Variants in CHN1 observed in about 807,000 individuals in gnomAD.
CHN1 encodes chimerin 1.
Under a neutral mutation model 59.5 loss-of-function variants are expected in CHN1, and 37 were observed. The observed-to-expected ratio is 0.62, with a 90% CI of 0.48 to 0.82. The LOEUF (loss-of-function observed/expected upper bound fraction) is 0.82. Ranked by LOEUF, CHN1 falls within the 40% of genes least tolerant of loss-of-function variation. The pLI, the probability that CHN1 is intolerant of heterozygous loss-of-function variation, is 0.00. For synonymous variants in CHN1, 206 were observed against 200.4 expected, an observed-to-expected ratio of 1.03 and a Z score of -0.24; for missense variants, 469 against 571.0, an observed-to-expected ratio of 0.82 and a Z score of 1.82.
chr2:174,938,992 A>G (rs1379801235), intron 3 of CHN1, among the ~76,000 whole-genome samples: 1 of 152,182 alleles, frequency 6.6e-6, no homozygotes, highest in African/African-American at 2.4e-5. Context: ...GGAAATGATG[A>G]ATACATTGCT....
intron 8 of CHN1, among the ~76,000 whole-genome samples, chr2:174,822,306 T>C (rs560094843): frequency 2.0e-5 from 3 of 152,302 alleles, no homozygotes; most frequent in South Asian, 2.1e-4. Context: ...TAGAGGCTAT[T>C]AATGTGGGTG....
intron 6 of CHN1, among the ~76,000 whole-genome samples, chr2:174,854,859 C>T (rs1686847789): frequency 6.6e-6 from 1 of 152,136 alleles, no homozygotes; most frequent in Non-Finnish European, 1.5e-5. Flanking sequence ...GGCCATTGTT[C>T]TATGCAATGT....
chr2:174,810,272 T>C (rs1308831351), intron 10 of CHN1, among the ~76,000 whole-genome samples: 1 of 152,220 alleles, frequency 6.6e-6, no homozygotes, highest in Non-Finnish European at 1.5e-5. Context: ...ATCATTACTA[T>C]AGATCTTGCA....
chr2:174,860,829 A>AT (rs1168991908), intron 6 of CHN1, among the ~76,000 whole-genome samples: 1 of 152,050 alleles, frequency 6.6e-6, no homozygotes, highest in Non-Finnish European at 1.5e-5. Flanking sequence ...ACTCTCACAG[A>AT]TGACTTCTAC....
In CHN1 at chr2:174,974,694, A is replaced by G. The variant is rs1025622662; in HGVS notation, c.20-22492T>C. 2.6e-5 allele frequency among the ~76,000 whole-genome samples: 4 copies of G among 152,204 alleles called. No individual in the cohort carries two copies. In the East Asian group the frequency reaches 7.7e-4, roughly 29 times the overall value. ...CAGCACCAATAAAATGTTCAAAAAT[A>G]AGGGTAATAATAAAGGTAAATAAAA... On this transcript the variant is annotated intron_variant, in intron 1 of 12. Transcript: ENST00000409900.
chr2:174,842,268 A>AT (rs1654665281), intron 7 of CHN1, among the ~76,000 whole-genome samples: 1 of 152,190 alleles, frequency 6.6e-6, no homozygotes, highest in African/African-American at 2.4e-5. Context: ...GTTGGTGGGG[A>AT]TAATATGAAA....
Position 174,877,871 on chromosome 2 carries a change from G to A in CHN1, c.518C>T (p.Ser173Phe). 1 of 1,613,654 alleles carries A rather than the reference G, an allele frequency of 6.2e-7. No homozygotes were observed. Among genetic ancestry groups the A allele is most frequent in the Middle Eastern group, 1.6e-4 (1 of 6,062 alleles). The change falls in exon 6 of 13, where the codon TCT becomes TTT. Residue 173 changes from serine (S) to phenylalanine (F), a missense_variant. Ser to Phe is a radical substitution (Grantham distance 155). Around this residue, in one of 5 missense-constraint regions of CHN1, gnomAD observed 81 missense variants for 71.7 expected, o/e 1.13. Transcript: ENST00000409900. ...CTCTGACACCCCATCCTGGCCTGTA[G>A]AATCTCTCTCATCATGTGTCTCTTT... ...VLKETHDERD[S>F]TGQDGVSEKR...
intron 6 of CHN1, among the ~76,000 whole-genome samples, chr2:174,866,781 C>G (rs1404114573): frequency 6.6e-6 from 1 of 152,122 alleles, no homozygotes; most frequent in South Asian, 2.1e-4. Context: ...AAAGTACAAA[C>G]TTTCTATATT....
chr2:174,988,137 T>G (rs1691409554), intron 1 of CHN1, among the ~76,000 whole-genome samples: 1 of 151,960 alleles, frequency 6.6e-6, no homozygotes, highest in Non-Finnish European at 1.5e-5. Flanking sequence ...GGCGGGCGGA[T>G]CACGAGGTCA....
chr2:174,953,185 T>C (rs1690081079), intron 1 of CHN1, among the ~76,000 whole-genome samples: 2 of 149,216 alleles, frequency 1.3e-5, no homozygotes, highest in African/African-American at 4.9e-5. Flanking sequence ...AAAAAATCCC[T>C]GGAAAGTTTA....
intron 6 of CHN1, among the ~76,000 whole-genome samples, chr2:174,856,613 C>T (rs886335622): frequency 6.6e-6 from 1 of 152,106 alleles, no homozygotes; most frequent in Non-Finnish European, 1.5e-5. Context: ...TTTCACACTA[C>T]GTGAAGAACA....
chr2:174,838,144 A>T (rs1455973330), intron 7 of CHN1, among the ~76,000 whole-genome samples: 1 of 151,890 alleles, frequency 6.6e-6, no homozygotes, highest in African/African-American at 2.4e-5. Flanking sequence ...CCCAGGCTGG[A>T]GTGCAATGGC....
At chr2:174,929,859 T>G (rs532154490) in intron 3 of CHN1, among the ~76,000 whole-genome samples, 2 of 152,360 alleles carry the variant, frequency 1.3e-5, no homozygotes, top group African/African-American at 2.4e-5. Context: ...TTTACAAATG[T>G]GCATCTACAT....
At chr2:174,933,005 T>C (rs1424400979) in intron 3 of CHN1, among the ~76,000 whole-genome samples, 1 of 152,222 alleles carries the variant, frequency 6.6e-6, no homozygotes, top group Non-Finnish European at 1.5e-5. Context: ...TTCCTGATTT[T>C]GGTCTGGGAA....
At chr2:174,938,398 T>C (rs1689561176) in intron 3 of CHN1, among the ~76,000 whole-genome samples, 1 of 152,200 alleles carries the variant, frequency 6.6e-6, no homozygotes, top group Non-Finnish European at 1.5e-5. Flanking sequence ...TTTAACTTAA[T>C]AGAATAAGCA....
chr2:174,844,455 G>C (rs1037203731), intron 7 of CHN1, among the ~76,000 whole-genome samples: 1 of 152,174 alleles, frequency 6.6e-6, no homozygotes, highest in Non-Finnish European at 1.5e-5. Flanking sequence ...GGCAGTTCAA[G>C]AAGCAAAAAA....
intron 7 of CHN1, among the ~76,000 whole-genome samples, chr2:174,834,429 A>G (rs1183983928): frequency 6.6e-6 from 1 of 152,172 alleles, no homozygotes; most frequent in Non-Finnish European, 1.5e-5. Flanking sequence ...TTACTGTAAT[A>G]TTCTTGTAGT....
At chr2:174,817,475 T>G (rs2105391373) in intron 8 of CHN1, among the ~76,000 whole-genome samples, 1 of 152,088 alleles carries the variant, frequency 6.6e-6, no homozygotes, top group Middle Eastern at 3.4e-3. Context: ...TTTTTTTTTT[T>G]TTTTTTTAAA....
intron 1 of CHN1, among the ~76,000 whole-genome samples, chr2:174,995,460 C>A (rs72923198): frequency 2.0e-5 from 3 of 152,066 alleles, no homozygotes; most frequent in Non-Finnish European, 4.4e-5. Flanking sequence ...TTTCCATGGA[C>A]GGTGGGGGGA....
Sources: allele counts gnomAD v4.1 joint callset (sites outside exome capture counted in the v4.1 genomes callset), GRCh38; gene constraint gnomAD v4.1.1; regional missense constraint gnomAD v4.1.1; transcripts MANE v1.5; gene names NCBI Gene and HGNC (gene_info 2026-07-23, HGNC 2026-07-21).